The following CEP63 variants were observed in gnomAD, a reference collection of about 807,000 sequenced individuals.
CEP63 encodes centrosomal protein 63, also known as centrosomal protein of 63 kDa.
CEP63 carries 84 observed loss-of-function variants against 89.1 expected under a neutral mutation model. The observed-to-expected ratio is 0.94, with a 90% CI of 0.79 to 1.13. The LOEUF is 1.13. Ranked by LOEUF, CEP63 falls within the 50% of genes most tolerant of loss-of-function variation. CEP63 has a pLI of 0.00. For missense variants in CEP63, 838 were observed against 813.3 expected, an observed-to-expected ratio of 1.03 and a Z score of -0.37; for synonymous variants, 267 against 272.5, an observed-to-expected ratio of 0.98 and a Z score of 0.20.
chr3:134,679,816 A>G, the CEP63 span, among the ~76,000 whole-genome samples: 1 of 152,146 alleles, frequency 6.6e-6, no homozygotes, highest in Non-Finnish European at 1.5e-5. Context: ...TCTGCCTCCC[A>G]GGCTCAAGCT....
chr3:134,671,154 A>G, the CEP63 span, among the ~76,000 whole-genome samples: 16 of 152,224 alleles, frequency 1.1e-4, no homozygotes, highest in African/African-American at 3.9e-4. Flanking sequence ...CTACACAGCC[A>G]TAAAAAAGAA....
chr3:134,677,497 C>T, the CEP63 span, among the ~76,000 whole-genome samples: 1 of 152,154 alleles, frequency 6.6e-6, no homozygotes, highest in Non-Finnish European at 1.5e-5. Flanking sequence ...TGGTGCCCAC[C>T]TACCTCCATC....
rs1275006266 is a variant in CEP63, at chr3:134,561,927, A to C, written c.*392A>C. 2.9e-6 allele frequency: 3 copies of C among 1,048,910 alleles called. No homozygotes were observed. The highest frequency in any genetic ancestry group is 3.5e-6 in the Non-Finnish European group (3 of 868,096). The allele number at this position is 1,048,910 out of a possible 1,614,324, so 65.0% of individuals were successfully genotyped here. A position where few individuals can be genotyped will look rare whatever the true frequency, so the allele number is the denominator to read the frequency against. On this transcript the variant is annotated 3_prime_UTR_variant, in exon 15 of 15. Transcript: ENST00000675561. ...TTAGGGGAAATGTGTAGAAGCATGG[A>C]TTTAGGGGTCAAACATACCTGGATC...
intron 5 of CEP63, among the ~76,000 whole-genome samples, chr3:134,534,863 C>CCACATCCTCACCTTTGGGTTATAT (rs1164250566): frequency 6.6e-6 from 1 of 152,092 alleles, no homozygotes; most frequent in Non-Finnish European, 1.5e-5. Context: ...ACACCTTTCC[C>CCACATCCTCACCTTTGGGTTATAT]CACATCCTCA....
downstream of CEP63, among the ~76,000 whole-genome samples, chr3:134,565,917 C>A (rs1020009453): frequency 2.6e-5 from 4 of 152,110 alleles, no homozygotes; most frequent in African/African-American, 9.7e-5. Context: ...CACAGCTCCC[C>A]CCACAGTATG....
the CEP63 span, among the ~76,000 whole-genome samples, chr3:134,645,256 A>G: frequency 6.6e-6 from 1 of 152,254 alleles, no homozygotes; most frequent in South Asian, 2.1e-4. Flanking sequence ...GGGCCCAAAC[A>G]CCTGCTGCTT....
chr3:134,721,248 CT>C, the CEP63 span, among the ~76,000 whole-genome samples: 3 of 147,414 alleles, frequency 2.0e-5, no homozygotes, highest in African/African-American at 8.1e-5. Flanking sequence ...TTGTAAACAG[CT>C]TTTTTAAAAA....
chr3:134,765,408 G>A, the CEP63 span, among the ~76,000 whole-genome samples: 1 of 152,190 alleles, frequency 6.6e-6, no homozygotes, highest in East Asian at 1.9e-4. Flanking sequence ...AGACCAAGAG[G>A]CACCCCAGGG....
At chr3:134,643,294 C>A in the CEP63 span, 2 of 1,612,408 alleles carry the variant, frequency 1.2e-6, no homozygotes, top group Admixed American at 3.3e-5. Context: ...GGGGAGGTCA[C>A]GGCTAGCGGC....
In CEP63 at chr3:134,545,234, T is replaced by C. The variant is rs1222143329; in HGVS notation, c.556-352T>C. Among the ~76,000 whole-genome samples the C allele has an allele frequency of 4.6e-5, 7 of 152,200 alleles. No homozygotes were observed. The East Asian group carries it at 1.4e-3, about 30-fold the overall frequency. On this transcript the variant is annotated intron_variant, in intron 6 of 14. Transcript: ENST00000675561. The stretch of plus-strand genomic sequence containing the variant: ...GGATGGTCTCAATCTCCTGACCTCA[T>C]GATCCGCCCACCTCAGCCTCTCAAA...
downstream of CEP63, among the ~76,000 whole-genome samples, chr3:134,576,737 A>T (rs921588089): frequency 1.3e-5 from 2 of 152,122 alleles, no homozygotes; most frequent in Non-Finnish European, 2.9e-5. Context: ...GCCACCCAAG[A>T]GGGCAGCTGT....
intron 5 of CEP63, among the ~76,000 whole-genome samples, chr3:134,533,700 A>C (rs1446994629): frequency 6.6e-6 from 1 of 152,204 alleles, no homozygotes; most frequent in African/African-American, 2.4e-5. Context: ...CTGATCCAGC[A>C]GTATGGCATA....
chr3:134,485,991 G>GCCCCCCCCCCCC (rs5852785), upstream of CEP63: 47 of 940,484 alleles, frequency 5.0e-5, 1 homozygote, highest in African/African-American at 6.4e-4. Context: ...CTCCTGCCAC[G>GCCCCCCCCCCCC]CCCCCCCCCC....
the CEP63 span, among the ~76,000 whole-genome samples, chr3:134,663,408 A>G: frequency 6.6e-6 from 1 of 152,164 alleles, no homozygotes; most frequent in African/African-American, 2.4e-5. Context: ...AGATCACTAG[A>G]CAGATGCCTT....
chr3:134,564,482 G>T lies in CEP63; in HGVS notation c.*2947G>T. ...TGGCTCTGACCAGACTTTGCTATCC[G>T]CTTTGATTTCTGTCTTTCAGGGGCT... is the stretch of plus-strand genomic sequence containing the variant. On this transcript the variant is annotated 3_prime_UTR_variant, in exon 15 of 15. Coordinates refer to ENST00000675561, the MANE Select transcript of CEP63 (RefSeq NM_001353108.3). The T allele has an allele frequency of 1.0e-6, 1 of 985,380 alleles. No homozygotes were observed. The highest frequency in any genetic ancestry group is 1.2e-6 in the Non-Finnish European group (1 of 829,960). 61.0% of individuals were successfully genotyped at this position (985,380 alleles called of 1,614,324 possible). A position where few individuals can be genotyped will look rare whatever the true frequency, so the allele number is the denominator to read the frequency against.
chr3:134,665,058 C>T, the CEP63 span, among the ~76,000 whole-genome samples: 2 of 152,182 alleles, frequency 1.3e-5, no homozygotes, highest in Non-Finnish European at 2.9e-5. Context: ...ACCCTCAGGT[C>T]AGGTGCACAA....
At chr3:134,555,713 G>T (rs1411699835) in intron 12 of CEP63, among the ~76,000 whole-genome samples, 1 of 151,746 alleles carries the variant, frequency 6.6e-6, no homozygotes, top group Non-Finnish European at 1.5e-5. Context: ...GTAATTTACA[G>T]ATTCAATGCC....
At chr3:134,755,434 T>C in the CEP63 span, among the ~76,000 whole-genome samples, 1 of 152,184 alleles carries the variant, frequency 6.6e-6, no homozygotes, top group Admixed American at 6.5e-5. Flanking sequence ...GGGGTGAGTC[T>C]ACCACATTAT....
the CEP63 span, among the ~76,000 whole-genome samples, chr3:134,716,188 G>T: frequency 6.6e-6 from 1 of 152,080 alleles, no homozygotes; most frequent in African/African-American, 2.4e-5. Flanking sequence ...TAATTACTCT[G>T]TCCGATTCTC....
Sources: allele counts gnomAD v4.1 joint callset (sites outside exome capture counted in the v4.1 genomes callset), GRCh38; gene constraint gnomAD v4.1.1; transcripts MANE v1.5; gene names NCBI Gene and HGNC (gene_info 2026-07-23, HGNC 2026-07-21).